LYPLAL1: variants seen among roughly 807,000 people sequenced by gnomAD.
LYPLAL1 encodes lysophospholipase-like protein 1.
LYPLAL1 carries 23 observed loss-of-function variants against 19.7 expected under a neutral mutation model. That is an observed-to-expected ratio of 1.17 (90% confidence interval 0.84 to 1.65). The LOEUF is 1.65. Ranked by LOEUF, LYPLAL1 falls within the 40% of genes most tolerant of loss-of-function variation. LYPLAL1 has a pLI of 0.00. For missense variants in LYPLAL1, 355 were observed against 279.4 expected, an observed-to-expected ratio of 1.27 and a Z score of -1.93; for synonymous variants, 119 against 96.3, an observed-to-expected ratio of 1.24 and a Z score of -1.38.
At chr1:219,390,536 G>A in the LYPLAL1 span, among the ~76,000 whole-genome samples, 12 of 152,252 alleles carry the variant, frequency 7.9e-5, no homozygotes, top group South Asian at 4.1e-4. Flanking sequence ...GACCTTTGCC[G>A]ACAATGCAGT....
chr1:219,401,174 C>T, the LYPLAL1 span, among the ~76,000 whole-genome samples: 1 of 151,862 alleles, frequency 6.6e-6, no homozygotes, highest in Non-Finnish European at 1.5e-5. Flanking sequence ...AAATTGCTCT[C>T]ATCAATTTTT....
At chr1:219,410,164 T>C in the LYPLAL1 span, 1 of 152,250 alleles carries the variant, frequency 6.6e-6, no homozygotes, top group Non-Finnish European at 1.5e-5. Flanking sequence ...AAGAAAGGTA[T>C]ATTTGCTAAC....
At chr1:219,398,346 C>T in the LYPLAL1 span, among the ~76,000 whole-genome samples, 65 of 152,174 alleles carry the variant, frequency 4.3e-4, no homozygotes, top group African/African-American at 1.5e-3. Context: ...GTCTATTCTG[C>T]TACTAATACT....
At chr1:219,174,370 T>C in intron 1 of LYPLAL1, 2 of 925,160 alleles carry the variant, frequency 2.2e-6, no homozygotes, top group Non-Finnish European at 2.7e-6. Context: ...GATTTTTCAG[T>C]CGTAATTGCC....
chr1:219,237,273 A>G, the LYPLAL1 span, among the ~76,000 whole-genome samples: 1 of 152,178 alleles, frequency 6.6e-6, no homozygotes, highest in African/African-American at 2.4e-5. Flanking sequence ...CACTGTTTAA[A>G]TATTTTATAC....
the LYPLAL1 span, among the ~76,000 whole-genome samples, chr1:219,283,777 A>G: frequency 2.6e-5 from 4 of 152,140 alleles, no homozygotes; most frequent in Non-Finnish European, 5.9e-5. Context: ...TGCATTTGTG[A>G]TCTGTGGGTA....
chr1:219,238,304 A>ATTTTTTTTTTT, the LYPLAL1 span, among the ~76,000 whole-genome samples: 4 of 81,904 alleles, frequency 4.9e-5, no homozygotes, highest in Admixed American at 2.9e-4. Flanking sequence ...CGCCCGGCTA[A>ATTTTTTTTTTT]TTTTTTTTTT....
chr1:219,420,527 A>G, the LYPLAL1 span, among the ~76,000 whole-genome samples: 1 of 152,176 alleles, frequency 6.6e-6, no homozygotes, highest in East Asian at 1.9e-4. Flanking sequence ...TTAATTTTGT[A>G]GTCAAACGTT....
intron 2 of LYPLAL1, among the ~76,000 whole-genome samples, chr1:219,181,792 A>T (rs1168960629): frequency 6.6e-6 from 1 of 152,094 alleles, no homozygotes; most frequent in Admixed American, 6.6e-5. Context: ...TTCCTACCTT[A>T]TGCTGGACTA....
the LYPLAL1 span, among the ~76,000 whole-genome samples, chr1:219,379,334 C>T: frequency 1.3e-5 from 2 of 152,138 alleles, no homozygotes; most frequent in Non-Finnish European, 2.9e-5. Flanking sequence ...GGAAGCAGAA[C>T]TCCTGGAACA....
At position 219,211,823 on chromosome 1, in the gene LYPLAL1, TA is replaced by T; in HGVS notation, c.*97del. The T allele has an allele frequency of 1.2e-6, 1 of 800,572 alleles. No homozygotes were observed. Among genetic ancestry groups the T allele is most frequent in the Non-Finnish European group, 1.9e-6 (1 of 522,102 alleles). The allele number at this position is 800,572 out of a possible 1,614,324, so 49.6% of individuals were successfully genotyped here. A position where few individuals can be genotyped will look rare whatever the true frequency, so the allele number is the denominator to read the frequency against. ...TAATGATAATTAAAATATTAAGAAA[TA>T]ACACTTTCCTGACTTTTTTATTATT... On this transcript the variant is annotated 3_prime_UTR_variant, in exon 5 of 5. Coordinates refer to ENST00000366928, the MANE Select transcript of LYPLAL1 (RefSeq NM_138794.5).
At chr1:219,283,012 G>A in the LYPLAL1 span, among the ~76,000 whole-genome samples, 1 of 152,102 alleles carries the variant, frequency 6.6e-6, no homozygotes, top group Non-Finnish European at 1.5e-5. Context: ...GGGCTGAAGA[G>A]ATGAAATGAA....
At chr1:219,284,409 T>C in the LYPLAL1 span, among the ~76,000 whole-genome samples, 1 of 152,178 alleles carries the variant, frequency 6.6e-6, no homozygotes, top group South Asian at 2.1e-4. Flanking sequence ...GGAAAAATGC[T>C]TGAGGTGATG....
rs763876359 is a variant in LYPLAL1 at position 219,173,896 on chromosome 1, G to T, written c.6G>T (p.Ala2=). ...GACTGGCAGTGGCATCAGCGATGGCGGCTGCGTCGGGGTCGGTTCTGCAGC... is the reference window on the plus strand; with the variant it reads ...GACTGGCAGTGGCATCAGCGATGGCTGCTGCGTCGGGGTCGGTTCTGCAGC... M[A]AASGSVLQRC... Residue 2 remains alanine (A), a synonymous_variant, in exon 1 of 5, where the codon GCG becomes GCT. Transcript: ENST00000366928. 5 of 1,612,586 alleles carry T rather than the reference G, an allele frequency of 3.1e-6. No individual in the cohort carries two copies. The highest frequency in any genetic ancestry group is 2.7e-5 in the African/African-American group (2 of 74,942).
At chr1:219,287,499 T>C in the LYPLAL1 span, among the ~76,000 whole-genome samples, 8 of 152,266 alleles carry the variant, frequency 5.3e-5, no homozygotes, top group East Asian at 1.5e-3. Context: ...CCTATTAGAA[T>C]AGCCTACACA....
chr1:219,211,850 A>G lies in LYPLAL1; in HGVS notation c.*122A>G. 1 of 633,860 alleles carries G rather than the reference A, an allele frequency of 1.6e-6. No individual in the cohort carries two copies. Among genetic ancestry groups the G allele is most frequent in the Non-Finnish European group, 2.6e-6 (1 of 381,426 alleles). The allele number at this position is 633,860 out of a possible 1,614,324, so 39.3% of individuals were successfully genotyped here. A position where few individuals can be genotyped will look rare whatever the true frequency, so the allele number is the denominator to read the frequency against. ...ACACTTTCCTGACTTTTTTATTATT[A>G]AAATGCTTATCACTGTAGACAGTAG... On this transcript the variant is annotated 3_prime_UTR_variant, in exon 5 of 5. Transcript: ENST00000366928.
At chr1:219,244,228 A>G in the LYPLAL1 span, among the ~76,000 whole-genome samples, 1 of 152,228 alleles carries the variant, frequency 6.6e-6, no homozygotes, top group Non-Finnish European at 1.5e-5. Flanking sequence ...GTTATTGCCT[A>G]TGCCTTGAAA....
the LYPLAL1 span, among the ~76,000 whole-genome samples, chr1:219,263,470 C>T: frequency 2.6e-5 from 4 of 152,254 alleles, no homozygotes; most frequent in South Asian, 4.1e-4. Flanking sequence ...CTCCACCTTC[C>T]GATACTGATG....
At chr1:219,346,576 G>T in the LYPLAL1 span, among the ~76,000 whole-genome samples, 2 of 151,796 alleles carry the variant, frequency 1.3e-5, no homozygotes, top group African/African-American at 2.4e-5. Flanking sequence ...CATGTGTGCA[G>T]GAAAAGAATG....
Sources: allele counts gnomAD v4.1 joint callset (sites outside exome capture counted in the v4.1 genomes callset), GRCh38; gene constraint gnomAD v4.1.1; transcripts MANE v1.5; gene names NCBI Gene and HGNC (gene_info 2026-07-23, HGNC 2026-07-21).